The following PAPPA2 variants were observed in gnomAD, a reference collection of about 807,000 sequenced individuals.
The protein encoded by PAPPA2 is pappalysin 2.
Under a neutral mutation model 176.4 loss-of-function variants are expected in PAPPA2, and 86 were observed. The ratio of observed to expected loss-of-function variants is 0.49; its 90% CI spans 0.41 to 0.58. The LOEUF is 0.58. PAPPA2 is among the 20% of genes least tolerant of loss of function. The pLI is 0.00. For missense variants in PAPPA2, 2,073 were observed against 2,256.9 expected, an observed-to-expected ratio of 0.92 and a Z score of 1.65; for synonymous variants, 809 against 852.2, an observed-to-expected ratio of 0.95 and a Z score of 0.88.
intron 1 of PAPPA2, among the ~76,000 whole-genome samples, chr1:176,483,460 C>CTT (rs56705620): frequency 2.7e-4 from 13 of 48,622 alleles, no homozygotes; most frequent in Admixed American, 3.3e-4. Context: ...ACTCAGACAT[C>CTT]TTTTTTTTTT....
intron 1 of PAPPA2, among the ~76,000 whole-genome samples, chr1:176,554,459 T>C (rs1484871736): frequency 6.6e-6 from 1 of 152,228 alleles, no homozygotes; most frequent in African/African-American, 2.4e-5. Flanking sequence ...TGTGTGTATT[T>C]GTGTACACGC....
intron 3 of PAPPA2, among the ~76,000 whole-genome samples, chr1:176,601,416 C>T (rs1654314035): frequency 6.6e-6 from 1 of 152,210 alleles, no homozygotes; most frequent in Non-Finnish European, 1.5e-5. Context: ...AGTAGTTCCT[C>T]TCCCAAACGC....
At chr1:176,690,772 G>A in intron 5 of PAPPA2, 1 of 1,095,570 alleles carries the variant, frequency 9.1e-7, no homozygotes, top group Non-Finnish European at 1.1e-6. Flanking sequence ...CGCATTCTTA[G>A]ACATTTACTC....
chr1:176,729,526 C>T (rs1662034638), intron 12 of PAPPA2, among the ~76,000 whole-genome samples: 3 of 151,980 alleles, frequency 2.0e-5, no homozygotes, highest in Admixed American at 2.0e-4. Context: ...ACATTTAAAG[C>T]AGTGTGTAGA....
intron 3 of PAPPA2, among the ~76,000 whole-genome samples, chr1:176,634,799 G>GAGAGAGAGAGAT (rs1396094505): frequency 2.5e-5 from 3 of 120,242 alleles, no homozygotes; most frequent in African/African-American, 1.0e-4. Context: ...TCCAAGGAGA[G>GAGAGAGAGAGAT]AGATAGATAG....
intron 3 of PAPPA2, among the ~76,000 whole-genome samples, chr1:176,668,259 G>C (rs1405822479): frequency 6.6e-6 from 1 of 152,176 alleles, no homozygotes; most frequent in Non-Finnish European, 1.5e-5. Context: ...ACATATAGGT[G>C]AGTATCCTTA....
Position 176,534,298 on chromosome 1 carries a change from G to C in PAPPA2, c.-916-21109G>C, listed in dbSNP as rs558481130. 4.6e-5 allele frequency among the ~76,000 whole-genome samples: 7 copies of C among 152,262 alleles called. No homozygotes were observed. In the South Asian group the frequency reaches 1.5e-3, roughly 32 times the overall value. The stretch of plus-strand genomic sequence containing the variant: ...CTGTTTTTCCCAGGTTCTAATGTTA[G>C]AGTCTGAGTTGACTGCTAATTTCTC... On this transcript the variant is annotated intron_variant, in intron 1 of 22. Coordinates refer to ENST00000367662, the MANE Select transcript of PAPPA2 (RefSeq NM_020318.3).
chr1:176,597,455 C>T (rs1654046992), intron 3 of PAPPA2, among the ~76,000 whole-genome samples: 1 of 151,944 alleles, frequency 6.6e-6, no homozygotes, highest in African/African-American at 2.4e-5. Flanking sequence ...ATCAGAACTA[C>T]TTGTATAAGA....
At chr1:176,644,071 G>T (rs1001877031) in intron 3 of PAPPA2, among the ~76,000 whole-genome samples, 4 of 151,776 alleles carry the variant, frequency 2.6e-5, no homozygotes, top group African/African-American at 9.7e-5. Context: ...CCTTCTGGAA[G>T]GAAATTAAAG....
intron 2 of PAPPA2, among the ~76,000 whole-genome samples, chr1:176,560,312 A>G (rs914546817): frequency 1.3e-5 from 2 of 152,184 alleles, no homozygotes; most frequent in East Asian, 1.9e-4. Context: ...TTCTTCCAAA[A>G]TAGAAAGTTG....
chr1:176,481,300 A>ACAC, intron 1 of PAPPA2, among the ~76,000 whole-genome samples: 1 of 147,652 alleles, frequency 6.8e-6, no homozygotes, highest in Admixed American at 6.8e-5. Context: ...ACACACACAC[A>ACAC]GACAAAGCAC....
At chr1:176,590,180 G>A (rs1653573833) in intron 2 of PAPPA2, among the ~76,000 whole-genome samples, 1 of 152,168 alleles carries the variant, frequency 6.6e-6, no homozygotes, top group Non-Finnish European at 1.5e-5. Flanking sequence ...CAGCAAAGCA[G>A]CCACATTTAA....
At chr1:176,695,629 C>A in intron 6 of PAPPA2, 109 bp from the exon 7 acceptor site, 1 of 1,285,170 alleles carries the variant, frequency 7.8e-7, no homozygotes, top group Admixed American at 2.0e-5. Context: ...TAGGTCCTTA[C>A]TAACCATCAA....
intron 1 of PAPPA2, among the ~76,000 whole-genome samples, chr1:176,475,888 T>A (rs964401032): frequency 6.6e-6 from 1 of 152,142 alleles, no homozygotes; most frequent in South Asian, 2.1e-4. Flanking sequence ...ATTATCTCCA[T>A]TGAGACACCT....
At chr1:176,743,514 AG>A (rs539854438) in intron 14 of PAPPA2, among the ~76,000 whole-genome samples, 203 of 152,290 alleles carry the variant, frequency 1.3e-3, no homozygotes, top group African/African-American at 4.6e-3. Context: ...TGGCCACTTT[AG>A]GGATAGGTTC....
chr1:176,512,083 C>A (rs2102524711), intron 1 of PAPPA2, among the ~76,000 whole-genome samples: 1 of 151,986 alleles, frequency 6.6e-6, no homozygotes, highest in South Asian at 2.1e-4. Flanking sequence ...CCCAAAATGG[C>A]AAAATATTTC....
chr1:176,827,761 A>G (rs750680360), intron 21 of PAPPA2, among the ~76,000 whole-genome samples: 7 of 152,118 alleles, frequency 4.6e-5, no homozygotes, highest in Non-Finnish European at 1.0e-4. Context: ...CAGACACACT[A>G]AACACGTATT....
chr1:176,682,517 G>A (rs1008321015), intron 4 of PAPPA2, among the ~76,000 whole-genome samples: 34 of 152,222 alleles, frequency 2.2e-4, no homozygotes, highest in South Asian at 2.1e-3. Context: ...GTACATAATA[G>A]TTGTACATAT....
intron 3 of PAPPA2, among the ~76,000 whole-genome samples, chr1:176,611,398 A>G (rs1654917043): frequency 6.6e-6 from 1 of 152,254 alleles, no homozygotes; most frequent in Non-Finnish European, 1.5e-5. Flanking sequence ...AATGATGATT[A>G]TTCAGACTAA....
Sources: gnomAD v4.1 joint callset for allele counts (sites outside exome capture counted in the v4.1 genomes callset) on GRCh38, gnomAD v4.1.1 for gene constraint, MANE v1.5 for transcripts, NCBI Gene and HGNC (gene_info 2026-07-23, HGNC 2026-07-21) for gene names.